The following AGO2 variants were observed in gnomAD, a reference collection of about 807,000 sequenced individuals.
AGO2 encodes the protein protein argonaute-2.
In AGO2, 5 loss-of-function variants were observed where a neutral mutation model predicts 102.3. The observed-to-expected ratio is 0.05, with a 90% CI of 0.03 to 0.10. The LOEUF is 0.10. AGO2 is among the 10% of genes least tolerant of loss of function. The pLI, the probability that AGO2 is intolerant of heterozygous loss-of-function variation, is 1.00. For synonymous variants in AGO2, 449 were observed against 473.1 expected, an observed-to-expected ratio of 0.95 and a Z score of 0.66; for missense variants, 541 against 1,183.7, an observed-to-expected ratio of 0.46 and a Z score of 7.97.
At position 140,595,984 on chromosome 8, in the gene AGO2, A is replaced by G. The variant is rs940701556; in HGVS notation, c.23-10673T>C. On this transcript the variant is annotated intron_variant, in intron 1 of 18. Transcript: ENST00000220592. Reference sequence around the variant, plus strand: ...ATATATAAATTATATATATTATATAATATATATATTATATATATATACACA... The same window carrying G: ...ATATATAAATTATATATATTATATAGTATATATATTATATATATATACACA... Among the ~76,000 whole-genome samples, 6 of 125,084 alleles carry G rather than the reference A, an allele frequency of 4.8e-5. No individual in the cohort carries two copies. The East Asian group carries it at 1.0e-3, about 21-fold the overall frequency. The allele number at this position is 125,084 out of a possible 152,430, so 82.1% of individuals were successfully genotyped here.
the AGO2 span, among the ~76,000 whole-genome samples, chr8:140,641,765 G>T: frequency 4.6e-5 from 7 of 152,240 alleles, no homozygotes; most frequent in East Asian, 1.4e-3. Flanking sequence ...TGTATTTTTA[G>T]TAGAGACGGG....
chr8:140,548,005 G>C (rs552147938), intron 12 of AGO2, among the ~76,000 whole-genome samples: 11 of 152,296 alleles, frequency 7.2e-5, no homozygotes, highest in Admixed American at 1.3e-4. Flanking sequence ...AAAGGACTTG[G>C]CTCCCTGCTT....
intron 1 of AGO2, among the ~76,000 whole-genome samples, chr8:140,613,595 C>T (rs1157968515): frequency 6.6e-6 from 1 of 152,178 alleles, no homozygotes; most frequent in Non-Finnish European, 1.5e-5. Flanking sequence ...AGAGTATTTT[C>T]TTAAAAACAC....
At chr8:140,587,525 C>G (rs1256479385) in intron 1 of AGO2, among the ~76,000 whole-genome samples, 1 of 152,226 alleles carries the variant, frequency 6.6e-6, no homozygotes, top group Non-Finnish European at 1.5e-5. Context: ...CACGTGTAAG[C>G]TGCAGATACA....
chr8:140,629,121 A>G (rs778362970), intron 1 of AGO2, among the ~76,000 whole-genome samples: 1 of 152,114 alleles, frequency 6.6e-6, no homozygotes, highest in Non-Finnish European at 1.5e-5. Flanking sequence ...TAAATTTTTA[A>G]AAATTCTAAA....
chr8:140,599,380 G>T (rs1365168751), intron 1 of AGO2, among the ~76,000 whole-genome samples: 1 of 152,180 alleles, frequency 6.6e-6, no homozygotes, highest in East Asian at 1.9e-4. Flanking sequence ...ACGCGTGCTG[G>T]AATCTGAAAC....
chr8:140,559,988 C>T (rs1181865889), intron 5 of AGO2, among the ~76,000 whole-genome samples: 2 of 147,680 alleles, frequency 1.4e-5, no homozygotes, highest in Admixed American at 6.6e-5. Context: ...CCTTCACTCT[C>T]GTCTTTTTCA....
chr8:140,565,485 T>C (rs78113835), intron 3 of AGO2, among the ~76,000 whole-genome samples: 2 of 113,734 alleles, frequency 1.8e-5, no homozygotes, highest in African/African-American at 3.3e-5. Context: ...AACAAAAAAA[T>C]ACAAAAATTA....
intron 14 of AGO2, among the ~76,000 whole-genome samples, chr8:140,542,146 G>A (rs965960574): frequency 2.6e-5 from 4 of 152,214 alleles, no homozygotes; most frequent in Non-Finnish European, 4.4e-5. Flanking sequence ...GCGGTTCTCT[G>A]TCGGGGGCCA....
intron 3 of AGO2, among the ~76,000 whole-genome samples, chr8:140,571,819 C>T (rs906495962): frequency 6.6e-6 from 1 of 152,190 alleles, no homozygotes; most frequent in Non-Finnish European, 1.5e-5. Flanking sequence ...GATATCAGCT[C>T]ACCATAACCT....
Position 140,562,584 on chromosome 8 carries a change from C to T in AGO2, c.387G>A (p.Lys129=). Residue 129 remains lysine, a synonymous_variant, in exon 4 of 19, where the codon AAG becomes AAA. Coordinates refer to ENST00000220592, the MANE Select transcript of AGO2 (RefSeq NM_012154.5). ...CGCAGGACACCCACTTGATGGACAC[C>T]TTGAAGATGCGATCCTTGCCTTCTC... The part of the protein sequence containing the change: ...LPGEGKDRIF[K]VSIKWVSCVS... The T allele has an allele frequency of 1.2e-6, 2 of 1,614,066 alleles. No homozygotes were observed. Among genetic ancestry groups the T allele is most frequent in the Non-Finnish European group, 1.7e-6 (2 of 1,180,014 alleles).
At chr8:140,641,772 C>CG in the AGO2 span, among the ~76,000 whole-genome samples, 1 of 152,048 alleles carries the variant, frequency 6.6e-6, no homozygotes, top group African/African-American at 2.4e-5. Flanking sequence ...TTAGTAGAGA[C>CG]GGGGTTTTGC....
At position 140,523,108 on chromosome 8, in the gene AGO2, A is replaced by G. The variant is rs1480593029; in HGVS notation, c.*8936T>C. 6.6e-6 allele frequency: 1 copy of G among 152,240 alleles called. No individual in the cohort carries two copies. Among genetic ancestry groups the G allele is most frequent in the Non-Finnish European group, 1.5e-5 (1 of 68,054 alleles). 9.4% of individuals were successfully genotyped at this position (152,240 alleles called of 1,614,324 possible). A position where few individuals can be genotyped will look rare whatever the true frequency, so the allele number is the denominator to read the frequency against. On this transcript the variant is annotated 3_prime_UTR_variant, in exon 19 of 19. Transcript: ENST00000220592. Reference sequence around the variant, plus strand: ...ATAAGAGTTTATACAGAAACTGCCAATTCACAAAACAGCACTGCATGGTTT... The same window carrying G: ...ATAAGAGTTTATACAGAAACTGCCAGTTCACAAAACAGCACTGCATGGTTT...
intron 13 of AGO2, among the ~76,000 whole-genome samples, chr8:140,546,085 G>A (rs969403089): frequency 4.6e-5 from 7 of 152,176 alleles, no homozygotes; most frequent in African/African-American, 1.7e-4. Flanking sequence ...GCACACAGTA[G>A]GTACTCAATA....
rs1316293120 is a variant in AGO2 at position 140,558,587 on chromosome 8, C to T, written c.791-15G>A. 1.9e-6 allele frequency: 3 copies of T among 1,613,860 alleles called. No individual in the cohort carries two copies. Among genetic ancestry groups the T allele is most frequent in the African/African-American group, 1.3e-5 (1 of 75,070 alleles). ...CACCTTTAGACCTGGGGACACAGAA[C>T]ACAGGCATCGGCATCGGGGCTGTCC... is the stretch of plus-strand genomic sequence containing the variant. On this transcript the variant is annotated splice_polypyrimidine_tract_variant and intron_variant, in intron 6 of 18. Transcript: ENST00000220592.
intron 3 of AGO2, among the ~76,000 whole-genome samples, chr8:140,569,826 C>T (rs2073348892): frequency 6.6e-6 from 1 of 152,160 alleles, no homozygotes; most frequent in Middle Eastern, 3.2e-3. Flanking sequence ...GGCAGGCTAA[C>T]ATTGCAGTAG....
Position 140,562,527 on chromosome 8 carries a change from T to C in AGO2, c.444A>G (p.Ser148=). 5 of 1,614,090 alleles carry C rather than the reference T, an allele frequency of 3.1e-6. No homozygotes were observed. Among genetic ancestry groups the C allele is most frequent in the Non-Finnish European group, 4.2e-6 (5 of 1,180,026 alleles). Reference sequence around the variant, plus strand: ...CAAAAGGGACGCTGGGCAGCCGCCCTGAAAGTGCATCGTGTAACGCCTGCA... The same window carrying C: ...CAAAAGGGACGCTGGGCAGCCGCCCCGAAAGTGCATCGTGTAACGCCTGCA... The part of the protein sequence containing the change: ...VSLQALHDAL[S]GRLPSVPFET... The change falls in exon 4 of 19, where the codon TCA becomes TCG. Residue 148 remains serine (S), a synonymous_variant. Transcript: ENST00000220592.
At chr8:140,640,757 G>A in the AGO2 span, among the ~76,000 whole-genome samples, 153 of 152,200 alleles carry the variant, frequency 1.0e-3, no homozygotes, top group African/African-American at 3.6e-3. Context: ...CTGACCTTGT[G>A]ATCCGCCCGC....
intron 1 of AGO2, among the ~76,000 whole-genome samples, chr8:140,626,179 C>T (rs1412593857): frequency 6.6e-6 from 1 of 152,144 alleles, no homozygotes; most frequent in Non-Finnish European, 1.5e-5. Context: ...AAGGAAGGTC[C>T]CCAAGAGCTG....
Sources: allele counts gnomAD v4.1 joint callset (sites outside exome capture counted in the v4.1 genomes callset), GRCh38; gene constraint gnomAD v4.1.1; transcripts MANE v1.5; gene names NCBI Gene and HGNC (gene_info 2026-07-23, HGNC 2026-07-21).